CORIN: variants seen among roughly 807,000 people sequenced by gnomAD.
CORIN encodes the protein atrial natriuretic peptide-converting enzyme.
Under a neutral mutation model 125.3 loss-of-function variants are expected in CORIN, and 117 were observed. That is an observed-to-expected ratio of 0.93 (90% confidence interval 0.80 to 1.09). The LOEUF is 1.09. Ranked by LOEUF, CORIN falls within the 50% of genes least tolerant of loss-of-function variation. CORIN has a pLI of 0.00. For synonymous variants in CORIN, 450 were observed against 466.4 expected, an observed-to-expected ratio of 0.96 and a Z score of 0.45; for missense variants, 1,253 against 1,306.7, an observed-to-expected ratio of 0.96 and a Z score of 0.63.
chr4:47,669,949 G>A (rs1380564403), intron 10 of CORIN, among the ~76,000 whole-genome samples: 1 of 152,152 alleles, frequency 6.6e-6, no homozygotes, highest in East Asian at 1.9e-4. Context: ...AACTTGTCCT[G>A]TCTTTTAAGT....
chr4:47,719,207 C>T (rs1727238233), intron 5 of CORIN, among the ~76,000 whole-genome samples: 1 of 152,134 alleles, frequency 6.6e-6, no homozygotes, highest in African/African-American at 2.4e-5. Flanking sequence ...CATGTTTCAC[C>T]TTTTCCCAAC....
intron 3 of CORIN, among the ~76,000 whole-genome samples, chr4:47,765,314 A>ACCC (rs1560538936): frequency 5.5e-4 from 75 of 137,128 alleles, no homozygotes; most frequent in African/African-American, 1.9e-3. Context: ...CCGTCCCCCA[A>ACCC]AAAAAAAAAA....
chr4:47,599,272 C>T (rs550603677), intron 21 of CORIN, among the ~76,000 whole-genome samples: 1 of 150,404 alleles, frequency 6.6e-6, no homozygotes, highest in South Asian at 2.1e-4. Context: ...GAGCTGTCTG[C>T]CTCCCTCTTT....
In CORIN at chr4:47,595,596, TG is replaced by T. The variant is rs1429791209; in HGVS notation, c.*124del. 3.3e-6 allele frequency: 2 copies of T among 613,434 alleles called. No homozygotes were observed. The highest frequency in any genetic ancestry group is 3.7e-5 in the African/African-American group (2 of 53,676). 38.0% of individuals were successfully genotyped at this position (613,434 alleles called of 1,614,324 possible). ...CCAAAACAAACATGCAAATTTGCAG[TG>T]CACGATTGAGCATTTCTGTCCATGA... On this transcript the variant is annotated 3_prime_UTR_variant, in exon 22 of 22. Coordinates refer to ENST00000273857, the MANE Select transcript of CORIN (RefSeq NM_006587.4).
chr4:47,806,353 T>A (rs1362661926), intron 2 of CORIN, among the ~76,000 whole-genome samples: 1 of 152,184 alleles, frequency 6.6e-6, no homozygotes, highest in Non-Finnish European at 1.5e-5. Context: ...CACTGCCAAA[T>A]TTTCACCCAG....
At chr4:47,649,469 AG>A (rs1425997091) in intron 13 of CORIN, among the ~76,000 whole-genome samples, 3 of 152,248 alleles carry the variant, frequency 2.0e-5, no homozygotes, top group African/African-American at 7.2e-5. Flanking sequence ...AGCCTTTGAA[AG>A]GAATCGCCTC....
intron 4 of CORIN, among the ~76,000 whole-genome samples, chr4:47,755,647 T>C (rs1168452326): frequency 6.6e-6 from 1 of 152,146 alleles, no homozygotes; most frequent in African/African-American, 2.4e-5. Context: ...TGAGAGTTAA[T>C]TTAGTATCTG....
chr4:47,748,625 A>G (rs996527168), intron 4 of CORIN, among the ~76,000 whole-genome samples: 1 of 152,148 alleles, frequency 6.6e-6, no homozygotes, highest in Non-Finnish European at 1.5e-5. Flanking sequence ...GTTTATCTAT[A>G]AAAATGTTAG....
intron 7 of CORIN, chr4:47,683,143 A>T (rs1725363368): frequency 6.6e-6 from 1 of 152,256 alleles, no homozygotes; most frequent in African/African-American, 2.4e-5. Flanking sequence ...AATGAGCAAG[A>T]GGAATTTTGC....
chr4:47,600,157 G>C lies in CORIN; in HGVS notation c.2946+57C>G. ...GCCATACGTAATAATGAGTTTATAGGAATCCACTGAAGTTATTGTTGAACT... is the reference window on the plus strand; with the variant it reads ...GCCATACGTAATAATGAGTTTATAGCAATCCACTGAAGTTATTGTTGAACT... On this transcript the variant is annotated intron_variant, in intron 21 of 21. Transcript: ENST00000273857. 6.7e-6 allele frequency: 10 copies of C among 1,500,706 alleles called. 1 individual carries two copies. The Middle Eastern group carries it at 1.8e-3, about 266-fold the overall frequency. The allele number at this position is 1,500,706 out of a possible 1,614,324, so 93.0% of individuals were successfully genotyped here. A position where few individuals can be genotyped will look rare whatever the true frequency, so the allele number is the denominator to read the frequency against.
intron 19 of CORIN, among the ~76,000 whole-genome samples, chr4:47,610,130 T>C (rs1019165764): frequency 5.9e-5 from 9 of 152,234 alleles, no homozygotes; most frequent in African/African-American, 2.2e-4. Flanking sequence ...AGTAATGGGA[T>C]TGCTGGGTCA....
intron 1 of CORIN, among the ~76,000 whole-genome samples, chr4:47,818,997 C>T (rs1160654753): frequency 6.6e-6 from 1 of 151,802 alleles, no homozygotes; most frequent in African/African-American, 2.4e-5. Context: ...TCTTACGTAT[C>T]AAGTTTCAGC....
At chr4:47,803,336 A>T (rs1731627081) in intron 2 of CORIN, among the ~76,000 whole-genome samples, 1 of 152,228 alleles carries the variant, frequency 6.6e-6, no homozygotes, top group Non-Finnish European at 1.5e-5. Context: ...GACATTCTTC[A>T]TAGAAATAGA....
chr4:47,700,403 G>C (rs1392429930), intron 5 of CORIN, among the ~76,000 whole-genome samples: 1 of 152,116 alleles, frequency 6.6e-6, no homozygotes, highest in Admixed American at 6.5e-5. Context: ...TGTTACATCA[G>C]GGTACAAGAA....
At chr4:47,832,788 A>G (rs1354427571) in intron 1 of CORIN, among the ~76,000 whole-genome samples, 1 of 152,106 alleles carries the variant, frequency 6.6e-6, no homozygotes, top group Non-Finnish European at 1.5e-5. Flanking sequence ...AAGCAAAAGA[A>G]AGCTCTAGAA....
chr4:47,744,334 T>C (rs753392661), intron 5 of CORIN, 68 bp downstream of exon 5: 39 of 1,361,062 alleles, frequency 2.9e-5, no homozygotes, highest in Non-Finnish European at 3.9e-5. Context: ...ATTATTTATA[T>C]CCATTCCTGT....
chr4:47,644,669 T>C (rs780269645), intron 14 of CORIN, among the ~76,000 whole-genome samples: 3 of 152,160 alleles, frequency 2.0e-5, no homozygotes, highest in African/African-American at 7.2e-5. Context: ...TGTAGATATA[T>C]GTACTTTCAA....
chr4:47,837,542 T>A, intron 1 of CORIN: 1 of 410,830 alleles, frequency 2.4e-6, no homozygotes, highest in East Asian at 5.6e-5. Context: ...GAGGGCACCG[T>A]GCGGAGGAGG....
At chr4:47,776,543 T>C (rs1730312781) in intron 3 of CORIN, among the ~76,000 whole-genome samples, 1 of 152,220 alleles carries the variant, frequency 6.6e-6, no homozygotes, top group African/African-American at 2.4e-5. Context: ...CATCAGGACA[T>C]CATAAATCAG....
Sources: gnomAD v4.1 joint callset for allele counts (sites outside exome capture counted in the v4.1 genomes callset) on GRCh38, gnomAD v4.1.1 for gene constraint, MANE v1.5 for transcripts, NCBI Gene and HGNC (gene_info 2026-07-23, HGNC 2026-07-21) for gene names.